FAXDC2: variants seen among roughly 807,000 people sequenced by gnomAD.
FAXDC2 encodes fatty acid hydroxylase domain-containing protein 2.
Under a neutral mutation model 40.9 loss-of-function variants are expected in FAXDC2, and 41 were observed. That is an observed-to-expected ratio of 1.00 (90% CI 0.78 to 1.30). The LOEUF (loss-of-function observed/expected upper bound fraction) is 1.30. FAXDC2 is among the 50% of genes most tolerant of loss of function. The pLI, the probability that FAXDC2 is intolerant of heterozygous loss-of-function variation, is 0.00. For missense variants in FAXDC2, 390 were observed against 408.8 expected (o/e 0.95, Z 0.40); for synonymous variants, 157 against 149.3 (o/e 1.05, Z -0.38).
rs1378905265 is a variant in FAXDC2 at position 154,818,792 on chromosome 5, T to G, written c.*1524A>C. ...CCCTTCTCTTTAAGCATATTGAAGA[T>G]GGACTTTTTTCCAAATGTTTATTTG... On this transcript the variant is annotated 3_prime_UTR_variant, in exon 9 of 9. Coordinates refer to ENST00000326080, the MANE Select transcript of FAXDC2 (RefSeq NM_032385.5). 6.6e-6 allele frequency: 1 copy of G among 152,260 alleles called. No homozygotes were observed. The highest frequency in any genetic ancestry group is 1.9e-4 in the East Asian group (1 of 5,200). 9.4% of individuals were successfully genotyped at this position (152,260 alleles called of 1,614,324 possible). A position where few individuals can be genotyped will look rare whatever the true frequency, so the allele number is the denominator to read the frequency against.
intron 4 of FAXDC2, among the ~76,000 whole-genome samples, chr5:154,832,379 A>G (rs1760215725): frequency 6.6e-6 from 1 of 151,918 alleles, no homozygotes; most frequent in African/African-American, 2.4e-5. Context: ...GCGCCCGACT[A>G]ATTTTTTGTA....
intron 5 of FAXDC2, 108 bp from the exon 6 acceptor site, chr5:154,823,700 CGG>C (rs1253339421): frequency 3.7e-5 from 32 of 872,564 alleles, no homozygotes; most frequent in Non-Finnish European, 5.6e-5. Context: ...GGAGAGATGT[CGG>C]GGGACAGCCA....
At position 154,824,433 on chromosome 5, in the gene FAXDC2, C is replaced by T. The variant is rs1759969982; in HGVS notation, c.367-841G>A. On this transcript the variant is annotated intron_variant, in intron 5 of 8. Coordinates refer to ENST00000326080, the MANE Select transcript of FAXDC2 (RefSeq NM_032385.5). The stretch of plus-strand genomic sequence containing the variant: ...TTTCTGCCCCAAAGCGCGACAGGTT[C>T]AGAATGGTCCCCAGCTTGAGGCCTG... The T allele has an allele frequency of 5.7e-6, 4 of 701,286 alleles. No homozygotes were observed. In the South Asian group the frequency reaches 5.9e-5, roughly 10 times the overall value. 43.4% of individuals were successfully genotyped at this position (701,286 alleles called of 1,614,324 possible).
intron 5 of FAXDC2, among the ~76,000 whole-genome samples, chr5:154,828,319 T>C (rs1171995992): frequency 6.6e-6 from 1 of 152,140 alleles, no homozygotes; most frequent in African/African-American, 2.4e-5. Flanking sequence ...TTGTTTTGTT[T>C]TGTTTTTTAG....
chr5:154,835,928 C>T (rs542857580), intron 2 of FAXDC2, among the ~76,000 whole-genome samples: 2 of 101,576 alleles, frequency 2.0e-5, no homozygotes, highest in South Asian at 7.4e-4. Flanking sequence ...CAGTGTTGCT[C>T]TGTCACCCAG....
chr5:154,849,890 C>T (rs1054444977), intron 1 of FAXDC2, among the ~76,000 whole-genome samples: 1 of 152,210 alleles, frequency 6.6e-6, no homozygotes, highest in Non-Finnish European at 1.5e-5. Flanking sequence ...TAGGTACTAT[C>T]AAGCCACTAA....
chr5:154,822,728 C>T, intron 6 of FAXDC2, 151 bp from the exon 7 acceptor site: 1 of 647,718 alleles, frequency 1.5e-6, no homozygotes, highest in Non-Finnish European at 2.8e-6. Flanking sequence ...AACCCCAGCC[C>T]TTATACTGCA....
At chr5:154,834,776 C>A (rs777635154) in intron 3 of FAXDC2, 48 bp from the exon 4 acceptor site, 7 of 1,591,758 alleles carry the variant, frequency 4.4e-6, no homozygotes, top group South Asian at 2.2e-5. Context: ...GGGTGGACAG[C>A]TCCTTCCCCT....
At chr5:154,850,317 AC>A (rs1760698255) in intron 1 of FAXDC2, among the ~76,000 whole-genome samples, 165 bp downstream of exon 1, 1 of 152,190 alleles carries the variant, frequency 6.6e-6, no homozygotes, top group Non-Finnish European at 1.5e-5. Context: ...ACAAATTCTA[AC>A]CCTGCCATCT....
intron 2 of FAXDC2, 69 bp downstream of exon 2, chr5:154,838,062 A>C: frequency 2.0e-6 from 2 of 1,000,794 alleles, no homozygotes; most frequent in East Asian, 4.8e-5. Flanking sequence ...GATGCATAGC[A>C]AGTGCAGCTA....
At chr5:154,841,659 C>T (rs1780137683) in intron 1 of FAXDC2, among the ~76,000 whole-genome samples, 1 of 152,152 alleles carries the variant, frequency 6.6e-6, no homozygotes. Flanking sequence ...TGGCTCACAT[C>T]TCCAAGGTGG....
intron 1 of FAXDC2, among the ~76,000 whole-genome samples, chr5:154,840,375 A>G (rs1025319149): frequency 2.0e-5 from 3 of 151,944 alleles, no homozygotes; most frequent in African/African-American, 4.8e-5. Flanking sequence ...AATTACACCC[A>G]TGAACCCTTT....
chr5:154,839,177 T>G (rs1760422530), intron 1 of FAXDC2, among the ~76,000 whole-genome samples: 1 of 150,612 alleles, frequency 6.6e-6, no homozygotes, highest in Non-Finnish European at 1.5e-5. Context: ...AACACAAAAA[T>G]TAGCCAGGCA....
intron 5 of FAXDC2, chr5:154,824,353 T>G: frequency 1.6e-6 from 1 of 630,728 alleles, no homozygotes. Context: ...TGGATCCTGA[T>G]GAACTTGTTT....
intron 1 of FAXDC2, among the ~76,000 whole-genome samples, chr5:154,839,558 A>G (rs910438641): frequency 6.6e-6 from 1 of 151,914 alleles, no homozygotes; most frequent in African/African-American, 2.4e-5. Flanking sequence ...TGAACTGGGA[A>G]GATAACTTGA....
chr5:154,834,713 A>G lies in FAXDC2; in HGVS notation c.156T>C (p.Phe52=). 1 of 1,613,880 alleles carries G rather than the reference A, an allele frequency of 6.2e-7. No homozygotes were observed. ...WNSVTWHLQR[F]WGASGYFWQA... is the part of the protein sequence containing the mutation. Reference sequence around the variant, plus strand: ...GCCAAAAGTAGCCAGAAGCACCCCAAAATCTCTGAAGATGCCTTGGAAAAA... The same window carrying G: ...GCCAAAAGTAGCCAGAAGCACCCCAGAATCTCTGAAGATGCCTTGGAAAAA... Residue 52 remains phenylalanine, a synonymous_variant, in exon 4 of 9, where the codon TTT becomes TTC. Transcript: ENST00000326080.
chr5:154,832,758 C>CAT (rs1760225890), intron 4 of FAXDC2, among the ~76,000 whole-genome samples: 1 of 152,140 alleles, frequency 6.6e-6, no homozygotes, highest in African/African-American at 2.4e-5. Context: ...TTGTACCTAA[C>CAT]ATATATAAAA....
rs753097150 is a variant in FAXDC2 at position 154,820,477 on chromosome 5, AAG to A, written c.846-7_846-6del. 18 of 1,606,316 alleles carry A rather than the reference AAG, an allele frequency of 1.1e-5. No homozygotes were observed. The African/African-American group carries it at 1.3e-4, about 12-fold the overall frequency. On this transcript the variant is annotated splice_polypyrimidine_tract_variant and splice_region_variant and intron_variant, in intron 8 of 8. Transcript: ENST00000326080. ...ACCCCATAGCACTGGTTGAACCTAGAAGAGAGAGGACGGCACTGCAGTGCCCA... is the reference window on the plus strand; with the variant it reads ...ACCCCATAGCACTGGTTGAACCTAGAAGAGAGGACGGCACTGCAGTGCCCA...
intron 5 of FAXDC2, among the ~76,000 whole-genome samples, chr5:154,825,682 CAAG>C (rs1363050851): frequency 3.7e-5 from 2 of 53,784 alleles, no homozygotes; most frequent in African/African-American, 1.4e-4. Flanking sequence ...GTAATATAGA[CAAG>C]AGAAGATGGT....
Sources: gnomAD v4.1 joint callset for allele counts (sites outside exome capture counted in the v4.1 genomes callset) on GRCh38, gnomAD v4.1.1 for gene constraint, MANE v1.5 for transcripts, NCBI Gene and HGNC (gene_info 2026-07-23, HGNC 2026-07-21) for gene names.